PRDM16: variants seen among roughly 807,000 people sequenced by gnomAD.
PRDM16 encodes the protein histone-lysine N-methyltransferase PRDM16.
PRDM16 carries 23 observed loss-of-function variants against 110.6 expected under a neutral mutation model. The ratio of observed to expected loss-of-function variants is 0.21; its 90% confidence interval spans 0.15 to 0.29. The LOEUF is 0.29. Among genes scored for constraint, PRDM16 ranks in the 10% least tolerant of loss-of-function variants. PRDM16 has a pLI of 1.00. For synonymous variants in PRDM16, 799 were observed against 781.8 expected (o/e 1.02, Z -0.37); for missense variants, 1,615 against 1,794.3 (o/e 0.90, Z 1.81).
intron 9 of PRDM16, 100 bp downstream of exon 9, chr1:3,412,900 G>T: frequency 9.6e-7 from 1 of 1,040,752 alleles, no homozygotes; most frequent in South Asian, 2.1e-5. Flanking sequence ...GCTCCTCCAA[G>T]GTCGTCCCCC....
At chr1:3,166,808 C>T (rs537758989) in intron 1 of PRDM16, among the ~76,000 whole-genome samples, 156 of 152,294 alleles carry the variant, frequency 1.0e-3, no homozygotes, top group Admixed American at 2.0e-3. Flanking sequence ...TGGTTCTCAC[C>T]GGTAAACTGG....
At chr1:3,296,913 C>T (rs140886213) in intron 3 of PRDM16, among the ~76,000 whole-genome samples, 108 of 152,292 alleles carry the variant, frequency 7.1e-4, no homozygotes, top group African/African-American at 2.5e-3. Flanking sequence ...TTAGCCTCAC[C>T]CACCTTAACG....
intron 2 of PRDM16, among the ~76,000 whole-genome samples, chr1:3,220,889 C>G (rs1278508574): frequency 6.6e-6 from 1 of 152,242 alleles, no homozygotes. Context: ...CCTAGCCCAG[C>G]CTTGGGAGAA....
intron 3 of PRDM16, among the ~76,000 whole-genome samples, chr1:3,346,359 T>C (rs556609364): frequency 8.5e-5 from 13 of 152,068 alleles, no homozygotes; most frequent in Admixed American, 5.2e-4. Flanking sequence ...TGGAGCTCCA[T>C]GGTCAAGAGG....
intron 4 of PRDM16, among the ~76,000 whole-genome samples, chr1:3,386,142 T>TCGGGGTGCCCGGGGTGCC (rs150469329): frequency 2.0e-5 from 3 of 151,490 alleles, no homozygotes; most frequent in South Asian, 2.1e-4. Flanking sequence ...CGTGCGTTCC[T>TCGGGGTGCCCGGGGTGCC]CGGGGTGCCC....
intron 3 of PRDM16, among the ~76,000 whole-genome samples, chr1:3,336,776 C>A (rs112784134): frequency 1.3e-5 from 2 of 148,702 alleles, no homozygotes; most frequent in Non-Finnish European, 3.0e-5. Flanking sequence ...TGGTGTGAAT[C>A]TGTGTGTGAA....
intron 1 of PRDM16, among the ~76,000 whole-genome samples, chr1:3,091,604 GGGCACCTCTGCCCA>G (rs1404289014): frequency 1.3e-5 from 2 of 152,208 alleles, no homozygotes; most frequent in Non-Finnish European, 2.9e-5. Flanking sequence ...TTGCTGCGGA[GGGCACCTCTGCCCA>G]GGCACCTCTG....
rs534120447 is a variant in PRDM16, at chr1:3,080,710, G to A, written c.37+11414G>A. Among the ~76,000 whole-genome samples, 8 of 152,134 alleles carry A rather than the reference G, an allele frequency of 5.3e-5. No individual in the cohort carries two copies. The highest frequency in any genetic ancestry group is 1.9e-4 in the East Asian group (1 of 5,180). ...GCAAAGCCAGCTTGCTCTCCCCCTC[G>A]GACCGGGCAACTGCTCCTGGATTTC... On this transcript the variant is annotated intron_variant, in intron 1 of 16. Transcript: ENST00000270722. The surrounding 1 kb of genome is among the most constrained non-coding windows in gnomAD (Gnocchi z 5.2).
rs1019417050 is a variant in PRDM16, at chr1:3,382,732, G to A, written c.439-2420G>A. ...CTCCTGGCTGCACCAATGGGGTGCT[G>A]TGACCCAGGTGCTCCAGCTTTGAAG... is the stretch of plus-strand genomic sequence containing the variant. On this transcript the variant is annotated intron_variant, in intron 3 of 16. Coordinates refer to ENST00000270722, the MANE Select transcript of PRDM16 (RefSeq NM_022114.4). This position sits in a 1 kb window ranked among gnomAD's most constrained non-coding sequence, Gnocchi z 6.6. 2.0e-5 allele frequency among the ~76,000 whole-genome samples: 3 copies of A among 152,208 alleles called. No individual in the cohort carries two copies. Among genetic ancestry groups the A allele is most frequent in the Non-Finnish European group, 4.4e-5 (3 of 68,032 alleles).
At chr1:3,194,634 TCTCCC>T in intron 2 of PRDM16, among the ~76,000 whole-genome samples, 1 of 144,142 alleles carries the variant, frequency 6.9e-6, no homozygotes, top group Non-Finnish European at 1.5e-5. Flanking sequence ...CACGCCACCG[TCTCCC>T]CGCCACACGC....
At chr1:3,134,286 G>A (rs539416207) in intron 1 of PRDM16, among the ~76,000 whole-genome samples, 1 of 152,364 alleles carries the variant, frequency 6.6e-6, no homozygotes, top group East Asian at 1.9e-4. Flanking sequence ...AGCTTCCCTG[G>A]AACATAGTGC....
chr1:3,143,992 G>A lies in PRDM16; in HGVS notation c.38-42133G>A, dbSNP rs12563417. ...AAGATGCTAAGGGGTCCTCTTTGCCGCCTGTGAAGACAGCTGCGTGGCCAC... is the reference window on the plus strand; with the variant it reads ...AAGATGCTAAGGGGTCCTCTTTGCCACCTGTGAAGACAGCTGCGTGGCCAC... On this transcript the variant is annotated intron_variant, in intron 1 of 16. Coordinates refer to ENST00000270722, the MANE Select transcript of PRDM16 (RefSeq NM_022114.4). The surrounding 1 kb of genome is among the most constrained non-coding windows in gnomAD (Gnocchi z 4.5). 0.069 allele frequency among the ~76,000 whole-genome samples: 10,480 copies of A among 152,210 alleles called. 485 individuals are homozygous for A. Among genetic ancestry groups the A allele is most frequent in the East Asian group, 0.12 (603 of 5,170 alleles).
chr1:3,128,721 C>T (rs1643263273), intron 1 of PRDM16, among the ~76,000 whole-genome samples: 1 of 149,854 alleles, frequency 6.7e-6, no homozygotes, highest in Non-Finnish European at 1.5e-5. Context: ...ACCATCCCAC[C>T]CGGGTCGGTG....
chr1:3,222,291 C>T (rs904246293), intron 2 of PRDM16, among the ~76,000 whole-genome samples: 1 of 134,082 alleles, frequency 7.5e-6, no homozygotes, highest in Non-Finnish European at 1.6e-5. Flanking sequence ...TGGGAGGGAG[C>T]GGTGCCCCAG....
intron 10 of PRDM16, 135 bp from the exon 11 acceptor site, chr1:3,417,693 A>T (rs1386054295): frequency 2.6e-6 from 2 of 771,570 alleles, no homozygotes; most frequent in African/African-American, 3.6e-5. Flanking sequence ...CCAAGAAAAT[A>T]CTAGGAGACC....
At chr1:3,084,152 G>A (rs570740172) in intron 1 of PRDM16, among the ~76,000 whole-genome samples, 1 of 152,192 alleles carries the variant, frequency 6.6e-6, no homozygotes, top group Non-Finnish European at 1.5e-5. Context: ...TGCTGGGCCA[G>A]AATGCAGGCC....
At chr1:3,096,259 C>A (rs1198498040) in intron 1 of PRDM16, among the ~76,000 whole-genome samples, 3 of 152,192 alleles carry the variant, frequency 2.0e-5, no homozygotes, top group African/African-American at 7.2e-5. Flanking sequence ...AACCTCCCTG[C>A]TCATGGCAGT....
rs182965539 is a variant in PRDM16, at chr1:3,275,541, G to C, written c.438+31404G>C. On this transcript the variant is annotated intron_variant, in intron 3 of 16. Transcript: ENST00000270722. The stretch of plus-strand genomic sequence containing the variant: ...CACTCGGCATGCCCCGAGGTGGGGG[G>C]GTTCAGGACGGGTCACCCTGTCCTG... Among the ~76,000 whole-genome samples the C allele has an allele frequency of 1.1e-3, 161 of 152,302 alleles. 4 individuals carry two copies. The South Asian group carries it at 0.014, about 13-fold the overall frequency.
At chr1:3,155,722 C>G (rs985173564) in intron 1 of PRDM16, among the ~76,000 whole-genome samples, 6 of 152,220 alleles carry the variant, frequency 3.9e-5, no homozygotes, top group Admixed American at 1.3e-4. Context: ...GCAAATGTTT[C>G]ACCTTTTATT....
Sources: gnomAD v4.1 joint callset for allele counts (sites outside exome capture counted in the v4.1 genomes callset) on GRCh38, gnomAD v4.1.1 for gene constraint, Gnocchi (gnomAD v3.1) non-coding constraint, MANE v1.5 for transcripts, NCBI Gene and HGNC (gene_info 2026-07-23, HGNC 2026-07-21) for gene names.